Variants in ARSB observed in about 807,000 individuals in gnomAD.
ARSB encodes the protein arylsulfatase B.
A neutral mutation model predicts 50.9 loss-of-function variants in ARSB; 41 were observed. The ratio of observed to expected loss-of-function variants is 0.81; its 90% CI spans 0.63 to 1.04. The LOEUF (loss-of-function observed/expected upper bound fraction) is 1.04, where lower values mean the gene tolerates loss of function less well. Among genes scored for constraint, ARSB ranks in the 50% least tolerant of loss-of-function variants. The pLI is 0.00. For synonymous variants in ARSB, 269 were observed against 284.8 expected (o/e 0.94, Z 0.56); for missense variants, 672 against 693.3 (o/e 0.97, Z 0.35).
chr5:78,956,833 C>T (rs1390750739), intron 3 of ARSB, among the ~76,000 whole-genome samples: 1 of 152,152 alleles, frequency 6.6e-6, no homozygotes, highest in African/African-American at 2.4e-5. Context: ...TTGGAAAACC[C>T]ACTATTACGA....
chr5:78,870,825 C>T (rs1176151077), intron 5 of ARSB, among the ~76,000 whole-genome samples: 2 of 151,782 alleles, frequency 1.3e-5, no homozygotes, highest in East Asian at 1.9e-4. Context: ...GGCAATTAGG[C>T]AGGGGAAGGA....
At chr5:78,833,681 A>G (rs1744795267) in intron 6 of ARSB, among the ~76,000 whole-genome samples, 1 of 152,240 alleles carries the variant, frequency 6.6e-6, no homozygotes, top group Non-Finnish European at 1.5e-5. Flanking sequence ...AACAGCAAGA[A>G]GAGGCAGAGC....
chr5:78,961,300 T>C (rs1467540690), intron 3 of ARSB, among the ~76,000 whole-genome samples: 1 of 152,220 alleles, frequency 6.6e-6, no homozygotes, highest in African/African-American at 2.4e-5. Context: ...TAAACATGTA[T>C]TAGCTGTCTT....
intron 1 of ARSB, among the ~76,000 whole-genome samples, chr5:78,979,200 A>C (rs1172793545): frequency 6.6e-6 from 1 of 152,236 alleles, no homozygotes; most frequent in African/African-American, 2.4e-5. Flanking sequence ...TCTCCAAAGA[A>C]GACATAAAAA....
At chr5:78,782,818 T>C (rs992671357) in intron 6 of ARSB, among the ~76,000 whole-genome samples, 21 of 152,204 alleles carry the variant, frequency 1.4e-4, no homozygotes, top group African/African-American at 4.8e-4. Flanking sequence ...ATCCTCACCA[T>C]TGATCTTGCT....
chr5:78,887,937 C>G (rs76119032), intron 4 of ARSB, among the ~76,000 whole-genome samples: 1 of 152,262 alleles, frequency 6.6e-6, no homozygotes, highest in East Asian at 1.9e-4. Context: ...AATGGTAATT[C>G]CTTTTAGAGA....
rs200143930 is a variant in ARSB at position 78,872,139 on chromosome 5, C to T, written c.1142+13445G>A. Among the ~76,000 whole-genome samples the T allele has an allele frequency of 4.5e-4, 67 of 147,644 alleles. 1 individual carries two copies. The East Asian group carries it at 0.011, about 24-fold the overall frequency. ...AGATATCATCTCACACCAGTTAGAACGGTAATCATTAAAAAGTCAGGAAAC... is the reference window on the plus strand; with the variant it reads ...AGATATCATCTCACACCAGTTAGAATGGTAATCATTAAAAAGTCAGGAAAC... On this transcript the variant is annotated intron_variant, in intron 5 of 7. Transcript: ENST00000264914.
chr5:78,934,576 G>T (rs1263024209), intron 4 of ARSB, among the ~76,000 whole-genome samples: 1 of 152,122 alleles, frequency 6.6e-6, no homozygotes, highest in South Asian at 2.1e-4. Flanking sequence ...GATTGCCTGA[G>T]GCTAGGAGTT....
At chr5:78,808,091 T>TA (rs1743644116) in intron 6 of ARSB, among the ~76,000 whole-genome samples, 1 of 22,576 alleles carries the variant, frequency 4.4e-5, no homozygotes, top group Non-Finnish European at 6.8e-5. Context: ...AGACTCCGTC[T>TA]CAAAAAAAAA....
intron 3 of ARSB, among the ~76,000 whole-genome samples, chr5:78,960,399 ATTGT>A (rs1751929896): frequency 6.6e-6 from 1 of 152,164 alleles, no homozygotes; most frequent in Non-Finnish European, 1.5e-5. Context: ...AGGTTTTGAA[ATTGT>A]TTTTCTTTGA....
chr5:78,881,979 A>G (rs1281858989), intron 5 of ARSB, among the ~76,000 whole-genome samples: 1 of 152,260 alleles, frequency 6.6e-6, no homozygotes, highest in Admixed American at 6.5e-5. Context: ...ATATAGAAAC[A>G]TGATTGGATA....
At chr5:78,780,706 G>C (rs1480918796) in intron 7 of ARSB, 44 bp from the exon 8 acceptor site, 1 of 1,610,534 alleles carries the variant, frequency 6.2e-7, no homozygotes, top group Non-Finnish European at 8.5e-7. Context: ...GAAGCACAGA[G>C]GCAGGTTCTA....
At chr5:78,980,916 A>G (rs530322080) in intron 1 of ARSB, among the ~76,000 whole-genome samples, 9 of 150,966 alleles carry the variant, frequency 6.0e-5, no homozygotes, top group African/African-American at 2.2e-4. Context: ...GCCTGAGTGT[A>G]GAGAGACCTG....
rs1332874996 is a variant in ARSB at position 78,867,724 on chromosome 5, G to C, written c.1142+17860C>G. 2.0e-5 allele frequency among the ~76,000 whole-genome samples: 3 copies of C among 152,058 alleles called. No individual in the cohort carries two copies. In the East Asian group the frequency reaches 5.8e-4, roughly 29 times the overall value. On this transcript the variant is annotated intron_variant, in intron 5 of 7. Coordinates refer to ENST00000264914, the MANE Select transcript of ARSB (RefSeq NM_000046.5). The stretch of plus-strand genomic sequence containing the variant: ...ACAAAGGTGGGGAAAAAACAGAACA[G>C]AAAAACTGGGAACTCTAAAACGCAG...
At chr5:78,876,774 G>A (rs1222437690) in intron 5 of ARSB, among the ~76,000 whole-genome samples, 2 of 152,160 alleles carry the variant, frequency 1.3e-5, no homozygotes, top group Non-Finnish European at 2.9e-5. Context: ...ACCCATCTGT[G>A]GCCTATTAGG....
chr5:78,925,516 T>C (rs1465853005), intron 4 of ARSB, among the ~76,000 whole-genome samples: 3 of 151,982 alleles, frequency 2.0e-5, no homozygotes, highest in African/African-American at 4.8e-5. Context: ...AGTAGCAAGA[T>C]TGAGAATTCT....
At chr5:78,948,170 A>G (rs560690963) in intron 4 of ARSB, among the ~76,000 whole-genome samples, 3 of 152,216 alleles carry the variant, frequency 2.0e-5, no homozygotes, top group African/African-American at 4.8e-5. Flanking sequence ...GGAAGTGGGT[A>G]TGGTTAATGG....
rs1350567225 is a variant in ARSB at position 78,867,818 on chromosome 5, T to C, written c.1142+17766A>G. On this transcript the variant is annotated intron_variant, in intron 5 of 7. Transcript: ENST00000264914. Reference sequence around the variant, plus strand: ...TGGAACAAAGCTGGATGGAGAATGATTTTGACGAGCTGAGAGAAGAAGGCT... The same window carrying C: ...TGGAACAAAGCTGGATGGAGAATGACTTTGACGAGCTGAGAGAAGAAGGCT... Among the ~76,000 whole-genome samples, 8 of 150,860 alleles carry C rather than the reference T, an allele frequency of 5.3e-5. No homozygotes were observed. The East Asian group carries it at 1.6e-3, about 29-fold the overall frequency.
chr5:78,912,290 C>T (rs960296424), intron 4 of ARSB, among the ~76,000 whole-genome samples: 1 of 152,208 alleles, frequency 6.6e-6, no homozygotes, highest in Non-Finnish European at 1.5e-5. Flanking sequence ...GCAGGCTCTT[C>T]TCCAGCAAGC....
Sources: allele counts gnomAD v4.1 joint callset (sites outside exome capture counted in the v4.1 genomes callset), GRCh38; gene constraint gnomAD v4.1.1; transcripts MANE v1.5; gene names NCBI Gene and HGNC (gene_info 2026-07-23, HGNC 2026-07-21).